Variants in MRC2 observed in about 807,000 individuals in gnomAD.
MRC2 encodes the protein C-type mannose receptor 2.
Under a neutral mutation model 206.2 loss-of-function variants are expected in MRC2, and 84 were observed. The observed-to-expected ratio is 0.41, with a 90% CI of 0.34 to 0.49. The LOEUF is 0.49. Ranked by LOEUF, MRC2 falls within the 20% of genes least tolerant of loss-of-function variation. The probability of loss-of-function intolerance (pLI) is 0.31; values close to 1 mark genes in which losing one functional copy is unlikely to be tolerated. For missense variants in MRC2, 1,676 were observed against 2,001.5 expected, an observed-to-expected ratio of 0.84 and a Z score of 3.10; for synonymous variants, 798 against 800.0, an observed-to-expected ratio of 1.00 and a Z score of 0.04.
At position 62,689,633 on chromosome 17, in the gene MRC2, C is replaced by T; in HGVS notation, c.3446C>T (p.Ala1149Val). The change falls in exon 24 of 30, where the codon GCC becomes GTC. Residue 1149 changes from alanine (A) to valine (V), a missense_variant. This residue lies in a region of MRC2 where 1,354 missense variants were observed against 1,636.6 expected (regional missense o/e 0.83). Coordinates refer to ENST00000303375, the MANE Select transcript of MRC2 (RefSeq NM_006039.5). Reference protein sequence around the residue: ...LLQKPLRWHDALLLCESRNAS... With the variant: ...LLQKPLRWHDVLLLCESRNAS... ...CAGAAGCCGCTGCGCTGGCACGATG[C>T]CCTCCTGCTGTGTGAGAGCCGCAAT... 1 of 1,601,482 alleles carries T rather than the reference C, an allele frequency of 6.2e-7. No homozygotes were observed.
intron 1 of MRC2, among the ~76,000 whole-genome samples, chr17:62,656,557 A>G (rs1259010409): frequency 6.6e-6 from 1 of 152,226 alleles, no homozygotes. Context: ...GGGATAAGAA[A>G]GCCCCCAAGG....
chr17:62,677,791 C>G (rs2088912664), intron 12 of MRC2, among the ~76,000 whole-genome samples: 1 of 152,198 alleles, frequency 6.6e-6, no homozygotes, highest in African/African-American at 2.4e-5. Flanking sequence ...GTGGCTCACA[C>G]CTGTAATCCC....
At chr17:62,647,169 A>T (rs1476802691) in intron 1 of MRC2, among the ~76,000 whole-genome samples, 1 of 146,898 alleles carries the variant, frequency 6.8e-6, no homozygotes, top group East Asian at 2.1e-4. Context: ...TATACTATAT[A>T]TTCATTTTTT....
chr17:62,644,132 C>T (rs1260146990), intron 1 of MRC2, among the ~76,000 whole-genome samples: 1 of 152,064 alleles, frequency 6.6e-6, no homozygotes, highest in Non-Finnish European at 1.5e-5. Flanking sequence ...TTAAACATGT[C>T]TGGAGGCTGG....
intron 1 of MRC2, among the ~76,000 whole-genome samples, chr17:62,639,667 C>T (rs963866876): frequency 6.6e-6 from 1 of 152,068 alleles, no homozygotes; most frequent in South Asian, 2.1e-4. Context: ...CTCTGTTGCC[C>T]GGGCTGGAGT....
At chr17:62,682,493 G>T in intron 20 of MRC2, 116 bp downstream of exon 20, 1 of 1,236,434 alleles carries the variant, frequency 8.1e-7, no homozygotes, top group East Asian at 2.7e-5. Flanking sequence ...CCTCTTGCCT[G>T]TACCCACCAA....
intron 1 of MRC2, among the ~76,000 whole-genome samples, chr17:62,654,094 C>T (rs1598975972): frequency 6.6e-6 from 1 of 152,126 alleles, no homozygotes; most frequent in Non-Finnish European, 1.5e-5. Context: ...TGGCTGGCGG[C>T]CCTTTCAGGC....
At chr17:62,665,380 G>A (rs2088737545) in intron 2 of MRC2, among the ~76,000 whole-genome samples, 1 of 148,328 alleles carries the variant, frequency 6.7e-6, no homozygotes, top group African/African-American at 2.5e-5. Context: ...TGTGCAGCCT[G>A]GGTGACAGAG....
intron 6 of MRC2, among the ~76,000 whole-genome samples, chr17:62,669,450 A>G (rs931362241): frequency 5.3e-5 from 8 of 152,082 alleles, no homozygotes; most frequent in Non-Finnish European, 1.2e-4. Flanking sequence ...TCCTGACCTC[A>G]GGTGATCTGC....
chr17:62,680,529 C>A lies in MRC2; in HGVS notation c.2473+76C>A. The stretch of plus-strand genomic sequence containing the variant: ...AACTCTGGGGTAAGTCCCGAGAGGC[C>A]TGAATGAAATGGAGGGGATGAGGAG... On this transcript the variant is annotated intron_variant, in intron 16 of 29. Coordinates refer to ENST00000303375, the MANE Select transcript of MRC2 (RefSeq NM_006039.5). This position sits in a 1 kb window ranked among gnomAD's most constrained non-coding sequence, Gnocchi z 4.8. The A allele has an allele frequency of 6.3e-7, 1 of 1,578,106 alleles. No individual in the cohort carries two copies. The highest frequency in any genetic ancestry group is 8.7e-7 in the Non-Finnish European group (1 of 1,151,244).
Position 62,680,045 on chromosome 17 carries a change from G to A in MRC2, c.2299-125G>A, listed in dbSNP as rs953695642. The A allele has an allele frequency of 6.6e-7, 1 of 1,526,422 alleles. No homozygotes were observed. Among genetic ancestry groups the A allele is most frequent in the Admixed American group, 1.8e-5 (1 of 55,984 alleles). 94.6% of individuals were successfully genotyped at this position (1,526,422 alleles called of 1,614,324 possible). ...CGGCTTCAGGAAAGCAGGTCCGAGA[G>A]GGGTCACCCGGCCCCCGGTGAGAAT... On this transcript the variant is annotated intron_variant, in intron 14 of 29. Transcript: ENST00000303375. The surrounding 1 kb of genome is among the most constrained non-coding windows in gnomAD (Gnocchi z 4.8).
At chr17:62,659,409 G>T (rs1411662261) in intron 1 of MRC2, among the ~76,000 whole-genome samples, 1 of 152,160 alleles carries the variant, frequency 6.6e-6, no homozygotes, top group African/African-American at 2.4e-5. Flanking sequence ...GCATGGTGAC[G>T]CAGGCCTGTA....
rs2089126011 is a variant in MRC2, at chr17:62,692,546, T to C, written c.*95T>C. On this transcript the variant is annotated 3_prime_UTR_variant, in exon 30 of 30. Transcript: ENST00000303375. The surrounding 1 kb of genome is among the most constrained non-coding windows in gnomAD (Gnocchi z 4.2). Reference sequence around the variant, plus strand: ...CCACCAGCTGCCTGTCCAGTTGGCCTATGGAAGGGTGCCCTTGGGAGTCGC... The same window carrying C: ...CCACCAGCTGCCTGTCCAGTTGGCCCATGGAAGGGTGCCCTTGGGAGTCGC... The C allele has an allele frequency of 3.1e-6, 4 of 1,271,642 alleles. No individual in the cohort carries two copies. The allele number at this position is 1,271,642 out of a possible 1,614,324, so 78.8% of individuals were successfully genotyped here.
At position 62,689,237 on chromosome 17, in the gene MRC2, T is replaced by C. The variant is rs1057175142; in HGVS notation, c.3334+277T>C. The C allele has an allele frequency of 6.8e-6, 4 of 584,798 alleles. No homozygotes were observed. In the Admixed American group the frequency reaches 9.0e-5, roughly 13 times the overall value. 36.2% of individuals were successfully genotyped at this position (584,798 alleles called of 1,614,324 possible). Reference sequence around the variant, plus strand: ...CTGGCACGTGTGGCGTCAAGGACCCTGAGGTTCCAGGTCCAAGACACCTCC... The same window carrying C: ...CTGGCACGTGTGGCGTCAAGGACCCCGAGGTTCCAGGTCCAAGACACCTCC... On this transcript the variant is annotated intron_variant, in intron 23 of 29. Transcript: ENST00000303375.
chr17:62,667,600 G>C lies in MRC2; in HGVS notation c.1117+67G>C, dbSNP rs1408195238. The C allele has an allele frequency of 2.0e-6, 3 of 1,517,924 alleles. No individual in the cohort carries two copies. Among genetic ancestry groups the C allele is most frequent in the Non-Finnish European group, 2.6e-6 (3 of 1,143,202 alleles). The allele number at this position is 1,517,924 out of a possible 1,614,324, so 94.0% of individuals were successfully genotyped here. A position where few individuals can be genotyped will look rare whatever the true frequency, so the allele number is the denominator to read the frequency against. On this transcript the variant is annotated intron_variant, in intron 6 of 29. Coordinates refer to ENST00000303375, the MANE Select transcript of MRC2 (RefSeq NM_006039.5). This position sits in a 1 kb window ranked among gnomAD's most constrained non-coding sequence, Gnocchi z 4.1. Reference sequence around the variant, plus strand: ...GGGCCAGGGACACAGCCACAGAGCCGTGGCAGGCCCAGCCTCTCCTCCGGT... The same window carrying C: ...GGGCCAGGGACACAGCCACAGAGCCCTGGCAGGCCCAGCCTCTCCTCCGGT...
At chr17:62,647,690 T>G (rs771462002) in intron 1 of MRC2, among the ~76,000 whole-genome samples, 1 of 152,358 alleles carries the variant, frequency 6.6e-6, no homozygotes, top group South Asian at 2.1e-4. Context: ...TATACATTCT[T>G]AGTTCTTTCC....
In MRC2 at chr17:62,680,178, C is replaced by T; in HGVS notation, c.2307C>T (p.Tyr769=). The change falls in exon 15 of 30, where the codon TAC becomes TAT. Residue 769 remains tyrosine, a synonymous_variant. Transcript: ENST00000303375. This position sits in a 1 kb window ranked among gnomAD's most constrained non-coding sequence, Gnocchi z 4.8. ...CCACCCGCCTCCTCCAGTTCTCTTA[C>T]CACAATTTCGACCGGAGCCGGCACG... is the stretch of plus-strand genomic sequence containing the variant. The part of the protein sequence containing the change: ...WRWSDGVGFS[Y]HNFDRSRHDD... 1.2e-6 allele frequency: 2 copies of T among 1,614,108 alleles called. No homozygotes were observed. The highest frequency in any genetic ancestry group is 1.3e-5 in the African/African-American group (1 of 75,040).
chr17:62,689,306 G>A (rs2089071635), intron 23 of MRC2: 3 of 580,970 alleles, frequency 5.2e-6, no homozygotes, highest in Non-Finnish European at 9.1e-6. Flanking sequence ...CCTTGGGTAG[G>A]AGGAGGTCAA....
At chr17:62,643,015 A>T (rs974348640) in intron 1 of MRC2, among the ~76,000 whole-genome samples, 2 of 152,178 alleles carry the variant, frequency 1.3e-5, no homozygotes, top group East Asian at 3.9e-4. Context: ...ACTTCATACC[A>T]TATGACCCAA....
Sources: allele counts gnomAD v4.1 joint callset (sites outside exome capture counted in the v4.1 genomes callset), GRCh38; gene constraint gnomAD v4.1.1; regional missense constraint gnomAD v4.1.1; non-coding constraint Gnocchi (gnomAD v3.1); transcripts MANE v1.5; gene names NCBI Gene and HGNC (gene_info 2026-07-23, HGNC 2026-07-21).